Variants in ERCC4 observed in about 807,000 individuals in gnomAD.
ERCC4 encodes the protein DNA repair endonuclease XPF.
ERCC4 carries 65 observed loss-of-function variants against 76.9 expected under a neutral mutation model. The ratio of observed to expected loss-of-function variants is 0.84; its 90% CI spans 0.69 to 1.04. The LOEUF (loss-of-function observed/expected upper bound fraction) is 1.04. ERCC4 is among the 50% of genes least tolerant of loss of function. The probability of loss-of-function intolerance (pLI) is 0.00; values close to 1 mark genes in which losing one functional copy is unlikely to be tolerated. For missense variants in ERCC4, 1,214 were observed against 1,128.2 expected (o/e 1.08, Z -1.09); for synonymous variants, 463 against 410.1 (o/e 1.13, Z -1.56).
intron 9 of ERCC4, among the ~76,000 whole-genome samples, chr16:13,938,995 C>T (rs765552526): frequency 2.6e-5 from 4 of 152,194 alleles, no homozygotes; most frequent in Admixed American, 1.3e-4. Context: ...GCCATGGATT[C>T]ATCCAGCTGC....
At position 13,928,061 on chromosome 16, in the gene ERCC4, G is replaced by A. The variant is rs1479223626; in HGVS notation, c.618G>A (p.Gln206=). 1.9e-6 allele frequency: 3 copies of A among 1,613,600 alleles called. No homozygotes were observed. The highest frequency in any genetic ancestry group is 2.5e-6 in the Non-Finnish European group (3 of 1,179,772). Residue 206 remains glutamine (Q), a synonymous_variant, in exon 4 of 11, where the codon CAG becomes CAA. Transcript: ENST00000311895. ...TAGCAGTAAACTCATTTTTAGAACA[G>A]CACAAACCTGAAGTTGTAGAAATCC... ...FHVAVNSFLE[Q]HKPEVVEIHV...
chr16:13,947,057 C>T (rs1304123038), intron 10 of ERCC4, among the ~76,000 whole-genome samples: 4 of 152,164 alleles, frequency 2.6e-5, no homozygotes, highest in African/African-American at 9.7e-5. Context: ...CCACCGCGCC[C>T]GGCCCGAATC....
intron 4 of ERCC4, among the ~76,000 whole-genome samples, chr16:13,928,455 G>A (rs2032111275): frequency 6.6e-6 from 1 of 152,134 alleles, no homozygotes; most frequent in Non-Finnish European, 1.5e-5. Flanking sequence ...TGCAGTTATA[G>A]TAAGTGATTA....
chr16:13,930,560 T>G, intron 4 of ERCC4, 150 bp from the exon 5 acceptor site: 1 of 618,746 alleles, frequency 1.6e-6, no homozygotes, highest in South Asian at 2.1e-5. Flanking sequence ...CTTGCAGTTT[T>G]TTTATTGTAG....
chr16:13,935,383 C>A lies in ERCC4; in HGVS notation c.1451C>A (p.Thr484Asn), dbSNP rs2141607313. 1 of 1,607,664 alleles carries A rather than the reference C, an allele frequency of 6.2e-7. No individual in the cohort carries two copies. The highest frequency in any genetic ancestry group is 8.5e-7 in the Non-Finnish European group (1 of 1,178,386). ...GAACGGGCTTCTACCAAAGAAAGAA[C>A]CCTCAAAAAGAAAAAACGGAAGTTG... is the stretch of plus-strand genomic sequence containing the variant. ...NKERASTKER[T>N]LKKKKRKLTL... Residue 484 changes from threonine (T) to asparagine (N), a missense_variant, in exon 8 of 11, where the codon ACC becomes AAC. Transcript: ENST00000311895.
rs1237115494 is a variant in ERCC4 at position 13,951,879 on chromosome 16, AC to A, written c.*3534del. The A allele has an allele frequency of 9.1e-6, 2 of 219,886 alleles. No homozygotes were observed. Among genetic ancestry groups the A allele is most frequent in the African/African-American group, 2.2e-5 (1 of 44,556 alleles). The allele number at this position is 219,886 out of a possible 1,614,324, so 13.6% of individuals were successfully genotyped here. A position where few individuals can be genotyped will look rare whatever the true frequency, so the allele number is the denominator to read the frequency against. On this transcript the variant is annotated 3_prime_UTR_variant, in exon 11 of 11. Coordinates refer to ENST00000311895, the MANE Select transcript of ERCC4 (RefSeq NM_005236.3). ...TAACCTAGAAAGGTCCTCTTGAAAA[AC>A]CAACATTTTAGGAAAGTTCTTTTTT...
intron 2 of ERCC4, 52 bp from the exon 3 acceptor site, chr16:13,926,509 A>T (rs774628965): frequency 1.4e-6 from 2 of 1,479,776 alleles, no homozygotes; most frequent in Non-Finnish European, 1.9e-6. Flanking sequence ...GTGATGAATG[A>T]ATGGCAATTA....
At chr16:13,924,249 C>T (rs1447342546) in intron 2 of ERCC4, among the ~76,000 whole-genome samples, 1 of 152,174 alleles carries the variant, frequency 6.6e-6, no homozygotes, top group African/African-American at 2.4e-5. Context: ...CCATTATTAC[C>T]ACCACACCCC....
At position 13,935,521 on chromosome 16, in the gene ERCC4, A is replaced by T. The variant is rs1255260276; in HGVS notation, c.1589A>T (p.Lys530Met). ...CCAGAAAGCTGCCCGGAAGAAATTA[A>T]GCATGAAGAATTTGATGTAAATTTG... ...SSPESCPEEI[K>M]HEEFDVNLSS... The change falls in exon 8 of 11, where the codon AAG becomes ATG. Residue 530 changes from lysine to methionine, a missense_variant. Lys to Met is a moderately conservative substitution (Grantham distance 95, BLOSUM62 -1). Transcript: ENST00000311895. 6.2e-7 allele frequency: 1 copy of T among 1,614,198 alleles called. No homozygotes were observed. The highest frequency in any genetic ancestry group is 1.6e-4 in the Middle Eastern group (1 of 6,062).
In ERCC4 at chr16:13,947,707, T is replaced by C. The variant is rs1179155154; in HGVS notation, c.2111T>C (p.Ile704Thr). 3 of 1,614,236 alleles carry C rather than the reference T, an allele frequency of 1.9e-6. No individual in the cohort carries two copies. Among genetic ancestry groups the C allele is most frequent in the African/African-American group, 2.7e-5 (2 of 75,052 alleles). ...CCATCTCTGATCCATCGTCGGGGCA[T>C]TGACATTGAACCCGTGACTTTAGAG... is the stretch of plus-strand genomic sequence containing the variant. ...ELPSLIHRRG[I>T]DIEPVTLEVG... The change falls in exon 11 of 11, where the codon ATT (isoleucine) becomes ACT (threonine). Residue 704 changes from isoleucine to threonine, a missense_variant. Transcript: ENST00000311895.
Position 13,951,095 on chromosome 16 carries a change from T to G in ERCC4, c.*2748T>G, listed in dbSNP as rs968312784. ...CCTCTTCCAACTACATAAATATATT[T>G]CAATGTATTTCCAGTTTTGGAAAGT... On this transcript the variant is annotated 3_prime_UTR_variant, in exon 11 of 11. Transcript: ENST00000311895. The G allele has an allele frequency of 1.6e-5, 3 of 186,364 alleles. No homozygotes were observed. Among genetic ancestry groups the G allele is most frequent in the African/African-American group, 7.0e-5 (3 of 42,760 alleles). The allele number at this position is 186,364 out of a possible 1,614,324, so 11.5% of individuals were successfully genotyped here.
At chr16:13,929,381 A>G (rs1259297741) in intron 4 of ERCC4, among the ~76,000 whole-genome samples, 1 of 152,220 alleles carries the variant, frequency 6.6e-6, no homozygotes, top group Non-Finnish European at 1.5e-5. Flanking sequence ...AGTGATTATA[A>G]ATAGTGTATC....
At position 13,946,744 on chromosome 16, in the gene ERCC4, TTTTGTTTGTTTG is replaced by T. The variant is rs531878168; in HGVS notation, c.2018-850_2018-839del. Among the ~76,000 whole-genome samples the T allele has an allele frequency of 8.6e-5, 13 of 151,194 alleles. No homozygotes were observed. The South Asian group carries it at 1.0e-3, about 12-fold the overall frequency. ...GACCTACTAAATACAACATCTGTTT[TTTTGTTTGTTTG>T]TTTGTTTGTTTGTTTGTTTTTGAGA... On this transcript the variant is annotated intron_variant, in intron 10 of 10. Coordinates refer to ENST00000311895, the MANE Select transcript of ERCC4 (RefSeq NM_005236.3).
At position 13,944,735 on chromosome 16, in the gene ERCC4, C is replaced by A. The variant is rs377213481; in HGVS notation, c.1917C>A (p.Ser639Arg). The A allele has an allele frequency of 7.4e-5, 119 of 1,611,824 alleles. No individual in the cohort carries two copies. Among genetic ancestry groups the A allele is most frequent in the Non-Finnish European group, 9.4e-5 (111 of 1,178,042 alleles). ...AFEKLIREKA[S>R]MVVPEEREGR... ...TTTTCTCCCACAGGGAAAAAGCAAG[C>A]ATGGTTGTCCCTGAAGAAAGAGAAG... is the stretch of plus-strand genomic sequence containing the variant. Residue 639 changes from serine (S) to arginine (R), a missense_variant, in exon 10 of 11, where the codon AGC becomes AGA. Transcript: ENST00000311895.
chr16:13,951,614 A>G lies in ERCC4; in HGVS notation c.*3267A>G, dbSNP rs187182207. On this transcript the variant is annotated 3_prime_UTR_variant, in exon 11 of 11. Coordinates refer to ENST00000311895, the MANE Select transcript of ERCC4 (RefSeq NM_005236.3). The stretch of plus-strand genomic sequence containing the variant: ...TCCCAGCTCATGAGGGACTGAAAAT[A>G]GTCTTATTCATCAACCCACTAGGAT... 4.6e-6 allele frequency: 1 copy of G among 215,440 alleles called. No homozygotes were observed. The highest frequency in any genetic ancestry group is 2.2e-5 in the African/African-American group (1 of 44,472). 13.3% of individuals were successfully genotyped at this position (215,440 alleles called of 1,614,324 possible). A position where few individuals can be genotyped will look rare whatever the true frequency, so the allele number is the denominator to read the frequency against.
At chr16:13,944,973 C>T in intron 10 of ERCC4, 138 bp downstream of exon 10, 1 of 622,752 alleles carries the variant, frequency 1.6e-6, no homozygotes, top group Non-Finnish European at 2.9e-6. Context: ...ATGTGTACTT[C>T]CCTACTCTAA....
rs770696743 is a variant in ERCC4, at chr16:13,922,016, T to G, written c.208-15T>G. On this transcript the variant is annotated splice_polypyrimidine_tract_variant and intron_variant, in intron 1 of 10. Transcript: ENST00000311895. ...TGTATTAAATAGCCTACTAATCAAGTTTGATTTGATTTAGGAGTATTTTAT... is the reference window on the plus strand; with the variant it reads ...TGTATTAAATAGCCTACTAATCAAGGTTGATTTGATTTAGGAGTATTTTAT... 6.3e-7 allele frequency: 1 copy of G among 1,598,754 alleles called. No individual in the cohort carries two copies. Among genetic ancestry groups the G allele is most frequent in the South Asian group, 1.1e-5 (1 of 90,690 alleles).
At chr16:13,939,599 G>T (rs542979894) in intron 9 of ERCC4, among the ~76,000 whole-genome samples, 8 of 152,206 alleles carry the variant, frequency 5.3e-5, no homozygotes, top group Admixed American at 1.3e-4. Context: ...GGTACAAGAG[G>T]CCCTGTAAAG....
intron 5 of ERCC4, 55 bp from the exon 6 acceptor site, chr16:13,932,102 T>A: frequency 6.8e-7 from 1 of 1,480,382 alleles, no homozygotes; most frequent in Non-Finnish European, 9.4e-7. Flanking sequence ...CATCAGAGAC[T>A]GTTTTAAATT....
Sources: gnomAD v4.1 joint callset for allele counts (sites outside exome capture counted in the v4.1 genomes callset) on GRCh38, gnomAD v4.1.1 for gene constraint, MANE v1.5 for transcripts, NCBI Gene and HGNC (gene_info 2026-07-23, HGNC 2026-07-21) for gene names.